Variants in TNC observed in about 807,000 individuals in gnomAD.
The protein encoded by TNC is tenascin C, also known as tenascin.
A neutral mutation model predicts 202.4 loss-of-function variants in TNC; 109 were observed. That is an observed-to-expected ratio of 0.54 (90% CI 0.46 to 0.63). The LOEUF is 0.63. Among genes scored for constraint, TNC ranks in the 30% least tolerant of loss-of-function variants. The pLI, the probability that TNC is intolerant of heterozygous loss-of-function variation, is 0.00. For synonymous variants in TNC, 1,007 were observed against 1,089.7 expected, an observed-to-expected ratio of 0.92 and a Z score of 1.50; for missense variants, 2,756 against 2,833.3, an observed-to-expected ratio of 0.97 and a Z score of 0.62.
At chr9:115,023,907 G>T in intron 27 of TNC, 66 bp downstream of exon 27, 1 of 1,539,402 alleles carries the variant, frequency 6.5e-7, no homozygotes, top group Admixed American at 1.8e-5. Context: ...GAGTTAAATT[G>T]TACTTCCATT....
At chr9:115,074,205 A>C (rs1247279740) in intron 9 of TNC, among the ~76,000 whole-genome samples, 1 of 152,224 alleles carries the variant, frequency 6.6e-6, no homozygotes, top group East Asian at 1.9e-4. Context: ...TGCTGAAGGA[A>C]AAAAAGCCAG....
At chr9:115,061,929 C>T (rs779560659) in intron 13 of TNC, among the ~76,000 whole-genome samples, 11 of 152,102 alleles carry the variant, frequency 7.2e-5, no homozygotes, top group Non-Finnish European at 1.3e-4. Context: ...TTGGAAATGT[C>T]CCTGCTTTTT....
At chr9:115,084,081 T>C in intron 4 of TNC, 128 bp downstream of exon 4, 2 of 1,027,306 alleles carry the variant, frequency 1.9e-6, no homozygotes, top group South Asian at 3.2e-5. Flanking sequence ...ATGGACTTAA[T>C]TCTAGGCTCT....
At chr9:115,112,083 T>C (rs1837116221) in intron 1 of TNC, among the ~76,000 whole-genome samples, 1 of 152,212 alleles carries the variant, frequency 6.6e-6, no homozygotes, top group Non-Finnish European at 1.5e-5. Context: ...TAGTCATCCT[T>C]GGCTCGGTCC....
Position 115,059,992 on chromosome 9 carries a change from T to G in TNC, c.4044A>C (p.Pro1348=). 1 of 1,612,614 alleles carries G rather than the reference T, an allele frequency of 6.2e-7. No homozygotes were observed. ...LAVEVVTEDL[P]QLGDLAVSEV... is the part of the protein sequence containing the mutation. Reference sequence around the variant, plus strand: ...CAGACACGGCTAAATCTCCCAGCTGTGGGAGATCCTCTGAAGAAGGACAGA... The same window carrying G: ...CAGACACGGCTAAATCTCCCAGCTGGGGGAGATCCTCTGAAGAAGGACAGA... The change falls in exon 14 of 28, where the codon CCA becomes CCC. Residue 1348 remains proline (P), a synonymous_variant. Transcript: ENST00000350763.
intron 24 of TNC, among the ~76,000 whole-genome samples, chr9:115,030,022 T>C (rs528521727): frequency 2.4e-4 from 36 of 152,326 alleles, no homozygotes; most frequent in Non-Finnish European, 4.0e-4. Flanking sequence ...TTGGATGAGA[T>C]AAACTACAAG....
intron 15 of TNC, chr9:115,055,473 T>C (rs367728129): frequency 6.6e-6 from 1 of 152,330 alleles, no homozygotes; most frequent in Admixed American, 6.6e-5. Context: ...TAATAGGAAA[T>C]ACCTGTGGTT....
At chr9:115,063,723 C>A in intron 12 of TNC, 73 bp downstream of exon 12, 1 of 1,515,768 alleles carries the variant, frequency 6.6e-7, no homozygotes, top group Non-Finnish European at 9.0e-7. Context: ...CAGTTTAAAG[C>A]AAGAAAGTGC....
Position 115,082,794 on chromosome 9 carries a change from A to C in TNC, c.2145T>G (p.Pro715=), listed in dbSNP as rs758889673. The change falls in exon 5 of 28, where the codon CCT becomes CCG. Residue 715 remains proline (P), a synonymous_variant. Coordinates refer to ENST00000350763, the MANE Select transcript of TNC (RefSeq NM_002160.4). ...SARVATYLPA[P]EGLKFKSIKE... ...TGATGGACTTGAATTTCAGGCCTTCAGGTGCAGGTAAGTCTGTAAGTAACA... is the reference window on the plus strand; with the variant it reads ...TGATGGACTTGAATTTCAGGCCTTCCGGTGCAGGTAAGTCTGTAAGTAACA... 6.2e-7 allele frequency: 1 copy of C among 1,613,364 alleles called. No homozygotes were observed. Among genetic ancestry groups the C allele is most frequent in the Non-Finnish European group, 8.5e-7 (1 of 1,179,422 alleles).
At chr9:115,084,136 G>A (rs1044728640) in intron 4 of TNC, 73 bp downstream of exon 4, 79 of 1,505,656 alleles carry the variant, frequency 5.2e-5, no homozygotes, top group Middle Eastern at 4.3e-4. Flanking sequence ...TGTAGGGGCC[G>A]TGGCGAGGGA....
At chr9:115,022,309 T>C (rs1488537084) in intron 27 of TNC, among the ~76,000 whole-genome samples, 1 of 152,270 alleles carries the variant, frequency 6.6e-6, no homozygotes, top group African/African-American at 2.4e-5. Context: ...AGTATGGTAG[T>C]CCAACAGCTT....
intron 2 of TNC, among the ~76,000 whole-genome samples, chr9:115,088,537 G>A (rs1401810204): frequency 2.0e-5 from 3 of 152,116 alleles, no homozygotes; most frequent in Non-Finnish European, 4.4e-5. Flanking sequence ...AGCTCAGTTT[G>A]CAGAAGTCAT....
At chr9:115,052,280 C>A (rs1831747223) in intron 15 of TNC, among the ~76,000 whole-genome samples, 2 of 151,934 alleles carry the variant, frequency 1.3e-5, no homozygotes, top group African/African-American at 4.8e-5. Context: ...ACAGAGAAGA[C>A]TGGTGGTTAC....
intron 3 of TNC, 76 bp downstream of exon 3, chr9:115,085,788 A>T: frequency 7.6e-7 from 1 of 1,317,084 alleles, no homozygotes; most frequent in African/African-American, 1.5e-5. Context: ...TATATATATA[A>T]ACGTAGTTTT....
In TNC at chr9:115,020,568, T is replaced by A. The variant is rs926081469; in HGVS notation, c.*589A>T. ...CTTGTGCTTTTATTTAAAAAAAAAA[T>A]ACAATCAGGTACTGTCCAGAAATGT... On this transcript the variant is annotated 3_prime_UTR_variant, in exon 28 of 28. Transcript: ENST00000350763. 2 of 241,194 alleles carry A rather than the reference T, an allele frequency of 8.3e-6. No individual in the cohort carries two copies. Among genetic ancestry groups the A allele is most frequent in the Non-Finnish European group, 1.7e-5 (2 of 118,178 alleles). The allele number at this position is 241,194 out of a possible 1,614,324, so 14.9% of individuals were successfully genotyped here.
intron 15 of TNC, among the ~76,000 whole-genome samples, chr9:115,051,537 C>T (rs73656719): frequency 3.0e-4 from 40 of 131,200 alleles, no homozygotes; most frequent in Admixed American, 4.7e-4. Context: ...TCTTTTTTTT[C>T]TTTTTTTTTT....
At chr9:115,041,820 C>G (rs1019929698) in intron 18 of TNC, among the ~76,000 whole-genome samples, 1 of 152,168 alleles carries the variant, frequency 6.6e-6, no homozygotes, top group Non-Finnish European at 1.5e-5. Context: ...CACAGCTTGC[C>G]ATCATTTGCT....
chr9:115,051,981 C>T (rs963420202), intron 15 of TNC, among the ~76,000 whole-genome samples: 45 of 151,268 alleles, frequency 3.0e-4, no homozygotes, highest in East Asian at 7.7e-4. Context: ...TGTATTGTAA[C>T]CTGTGTCTGT....
At position 115,064,629 on chromosome 9, in the gene TNC, T is replaced by C. The variant is rs576985101; in HGVS notation, c.3487+18A>G. 11 of 1,580,538 alleles carry C rather than the reference T, an allele frequency of 7.0e-6. No individual in the cohort carries two copies. Among genetic ancestry groups the C allele is most frequent in the African/African-American group, 1.4e-5 (1 of 73,640 alleles). On this transcript the variant is annotated intron_variant, in intron 11 of 27. Coordinates refer to ENST00000350763, the MANE Select transcript of TNC (RefSeq NM_002160.4). ...TGCTGGGAAAAACAGAAGCTATAAA[T>C]AGAAAGGAAAGAGATACCTGTGGAG...
Sources: allele counts gnomAD v4.1 joint callset (sites outside exome capture counted in the v4.1 genomes callset), GRCh38; gene constraint gnomAD v4.1.1; transcripts MANE v1.5; gene names NCBI Gene and HGNC (gene_info 2026-07-23, HGNC 2026-07-21).